DPP10: variants seen among roughly 807,000 people sequenced by gnomAD.
The protein encoded by DPP10 is inactive dipeptidyl peptidase 10.
Under a neutral mutation model 120.9 loss-of-function variants are expected in DPP10, and 33 were observed. That is an observed-to-expected ratio of 0.27 (90% CI 0.21 to 0.37). DPP10 has a LOEUF of 0.37. Ranked by LOEUF, DPP10 falls within the 10% of genes least tolerant of loss-of-function variation. The pLI, the probability that DPP10 is intolerant of heterozygous loss-of-function variation, is 1.00. For missense variants in DPP10, 816 were observed against 942.8 expected, an observed-to-expected ratio of 0.87 and a Z score of 1.76; for synonymous variants, 337 against 326.1, an observed-to-expected ratio of 1.03 and a Z score of -0.36.
intron 1 of DPP10, among the ~76,000 whole-genome samples, chr2:115,019,389 G>A (rs1702904669): frequency 6.6e-6 from 1 of 151,960 alleles, no homozygotes. Flanking sequence ...GAAAGTCTCA[G>A]CAAGAGAATC....
intron 1 of DPP10, among the ~76,000 whole-genome samples, chr2:114,801,155 C>T (rs754959495): frequency 2.7e-5 from 4 of 149,626 alleles, no homozygotes; most frequent in East Asian, 2.0e-4. Flanking sequence ...CCCAGCTACT[C>T]GGGAGGCTGA....
At chr2:115,310,986 A>G (rs1322766843) in intron 2 of DPP10, among the ~76,000 whole-genome samples, 1 of 152,134 alleles carries the variant, frequency 6.6e-6, no homozygotes, top group East Asian at 1.9e-4. Flanking sequence ...TGTCCTTGAG[A>G]GTTTGATACA....
chr2:115,827,586 TTTTTA>T (rs921674347), intron 21 of DPP10, among the ~76,000 whole-genome samples: 1 of 151,052 alleles, frequency 6.6e-6, no homozygotes, highest in East Asian at 1.9e-4. Flanking sequence ...TTTATTTTTA[TTTTTA>T]TTTTATTTTA....
rs941994596 is a variant in DPP10, at chr2:114,724,198, T to C, written c.60+281360T>C. 2.6e-5 allele frequency among the ~76,000 whole-genome samples: 4 copies of C among 152,320 alleles called. No individual in the cohort carries two copies. In the South Asian group the frequency reaches 8.3e-4, roughly 32 times the overall value. ...CAACAGTCACATCTTACTTCCCCTC[T>C]ATGCTAAACGATTACCTCTTGAAGC... On this transcript the variant is annotated intron_variant, in intron 1 of 25. Transcript: ENST00000410059.
intron 5 of DPP10, among the ~76,000 whole-genome samples, chr2:115,658,390 CT>C (rs570547493): frequency 3.4e-4 from 50 of 147,832 alleles, no homozygotes; most frequent in Admixed American, 4.7e-4. Flanking sequence ...TTGACAACCC[CT>C]TTTTTTTTTG....
chr2:114,696,739 G>C (rs981801), intron 1 of DPP10, among the ~76,000 whole-genome samples: 2,738 of 151,734 alleles, frequency 0.018, 86 homozygotes, highest in African/African-American at 0.062. Context: ...GTGTGCGCGC[G>C]TGCCATAAAG....
intron 5 of DPP10, among the ~76,000 whole-genome samples, chr2:115,575,776 G>T (rs2081616940): frequency 6.6e-6 from 1 of 152,144 alleles, no homozygotes; most frequent in Non-Finnish European, 1.5e-5. Flanking sequence ...ATCCAGGTGG[G>T]CCTAATGTAA....
Position 115,679,428 on chromosome 2 carries a change from TTGTGAAGG to T in DPP10, c.442-10258_442-10251del. Among the ~76,000 whole-genome samples, 5 of 152,312 alleles carry T rather than the reference TTGTGAAGG, an allele frequency of 3.3e-5. No homozygotes were observed. The South Asian group carries it at 1.0e-3, about 32-fold the overall frequency. The stretch of plus-strand genomic sequence containing the variant: ...CTCAGCACTCTTCTCTCTTTCTGAC[TTGTGAAGG>T]ACATGTTTGCTTCCCTTTCCACCAT... On this transcript the variant is annotated intron_variant, in intron 5 of 25. Coordinates refer to ENST00000410059, the MANE Select transcript of DPP10 (RefSeq NM_020868.6).
chr2:114,901,119 AC>A (rs1306568465), intron 1 of DPP10, among the ~76,000 whole-genome samples: 1 of 152,242 alleles, frequency 6.6e-6, no homozygotes, highest in Non-Finnish European at 1.5e-5. Context: ...GTGATGGTTT[AC>A]AAAAAGTCTA....
At chr2:115,686,553 T>C (rs2090999235) in intron 5 of DPP10, among the ~76,000 whole-genome samples, 1 of 151,994 alleles carries the variant, frequency 6.6e-6, no homozygotes, top group South Asian at 2.1e-4. Flanking sequence ...ATGAAAATTG[T>C]CTATACCACT....
chr2:115,681,687 T>G (rs939351972), intron 5 of DPP10, among the ~76,000 whole-genome samples: 2 of 114,068 alleles, frequency 1.8e-5, no homozygotes, highest in African/African-American at 5.9e-5. Context: ...TTCTTTCTTT[T>G]CCTTCCTTCC....
chr2:115,747,038 C>T (rs1286847822), intron 10 of DPP10, among the ~76,000 whole-genome samples: 3 of 152,084 alleles, frequency 2.0e-5, no homozygotes, highest in Non-Finnish European at 4.4e-5. Context: ...TGGTCATTTT[C>T]ACAGAGAGTG....
chr2:114,851,062 A>AT (rs1688909548), intron 1 of DPP10, among the ~76,000 whole-genome samples: 1 of 152,130 alleles, frequency 6.6e-6, no homozygotes, highest in Non-Finnish European at 1.5e-5. Flanking sequence ...CTTCATTTTA[A>AT]TTTCGTACCT....
At chr2:114,464,360 T>C (rs957824123) in intron 1 of DPP10, among the ~76,000 whole-genome samples, 7 of 152,246 alleles carry the variant, frequency 4.6e-5, no homozygotes, top group African/African-American at 1.7e-4. Context: ...GCTGAGTATC[T>C]CTTTATATAC....
At chr2:115,517,509 T>C (rs966813950) in intron 4 of DPP10, among the ~76,000 whole-genome samples, 2 of 152,164 alleles carry the variant, frequency 1.3e-5, no homozygotes, top group Non-Finnish European at 2.9e-5. Context: ...ACTCAGCATT[T>C]TGTTACTGAT....
chr2:115,494,375 GA>G (rs2076284758), intron 3 of DPP10, among the ~76,000 whole-genome samples: 1 of 152,012 alleles, frequency 6.6e-6, no homozygotes, highest in African/African-American at 2.4e-5. Context: ...AAAGTCTTGG[GA>G]AAAAAATGTG....
At chr2:115,179,783 T>C (rs1380878277) in intron 1 of DPP10, among the ~76,000 whole-genome samples, 2 of 152,146 alleles carry the variant, frequency 1.3e-5, no homozygotes, top group Non-Finnish European at 2.9e-5. Flanking sequence ...CAAGTAGTAA[T>C]GGAATTTAAC....
At chr2:115,680,757 A>G (rs9653430) in intron 5 of DPP10, among the ~76,000 whole-genome samples, 7,239 of 152,040 alleles carry the variant, frequency 0.048, 587 homozygotes, top group African/African-American at 0.17. Context: ...AACACACAAA[A>G]TGAAAACACA....
chr2:114,767,749 G>A (rs1022845273), intron 1 of DPP10, among the ~76,000 whole-genome samples: 17 of 152,268 alleles, frequency 1.1e-4, no homozygotes, highest in Admixed American at 2.6e-4. Context: ...GATTCCAGGG[G>A]TTGAGAACCA....
Sources: gnomAD v4.1 joint callset for allele counts (sites outside exome capture counted in the v4.1 genomes callset) on GRCh38, gnomAD v4.1.1 for gene constraint, MANE v1.5 for transcripts, NCBI Gene and HGNC (gene_info 2026-07-23, HGNC 2026-07-21) for gene names.